Variants in SNCAIP observed in about 807,000 individuals in gnomAD.
SNCAIP encodes the protein synphilin-1.
A neutral mutation model predicts 86.7 loss-of-function variants in SNCAIP; 43 were observed. The ratio of observed to expected loss-of-function variants is 0.50; its 90% CI spans 0.39 to 0.64. SNCAIP has a LOEUF of 0.64. Among genes scored for constraint, SNCAIP ranks in the 30% least tolerant of loss-of-function variants. The probability of loss-of-function intolerance (pLI) is 0.00; values close to 1 mark genes in which losing one functional copy is unlikely to be tolerated. For synonymous variants in SNCAIP, 417 were observed against 427.2 expected (o/e 0.98, Z 0.29); for missense variants, 981 against 1,103.1 (o/e 0.89, Z 1.57).
intron 3 of SNCAIP, among the ~76,000 whole-genome samples, chr5:122,418,432 T>C (rs900504101): frequency 2.0e-5 from 3 of 152,226 alleles, no homozygotes; most frequent in African/African-American, 4.8e-5. Context: ...TTCAAACATA[T>C]TTGTTTTTAA....
chr5:122,380,578 G>C (rs1007452307), intron 1 of SNCAIP, among the ~76,000 whole-genome samples: 4 of 149,410 alleles, frequency 2.7e-5, no homozygotes, highest in African/African-American at 1.0e-4. Flanking sequence ...CTTGCCTTCT[G>C]CTAGCTTTTG....
rs1015414345 is a variant in SNCAIP at position 122,413,412 on chromosome 5, G to A, written c.131-9456G>A. Among the ~76,000 whole-genome samples the A allele has an allele frequency of 3.3e-5, 5 of 152,038 alleles. No homozygotes were observed. The South Asian group carries it at 1.0e-3, about 32-fold the overall frequency. On this transcript the variant is annotated intron_variant, in intron 3 of 10. Coordinates refer to ENST00000261368, the MANE Select transcript of SNCAIP (RefSeq NM_005460.4). ...TATCTCCCAGTTTCTCACGTAATTG[G>A]CTTCTTCTCATCCTCCAGATCTTAG...
chr5:122,426,472 CA>C (rs2152932037), intron 5 of SNCAIP, among the ~76,000 whole-genome samples: 1 of 152,202 alleles, frequency 6.6e-6, no homozygotes, highest in East Asian at 1.9e-4. Flanking sequence ...ATTTTTTACG[CA>C]AACCTGATTT....
intron 1 of SNCAIP, among the ~76,000 whole-genome samples, chr5:122,337,911 G>A (rs975723761): frequency 6.6e-6 from 1 of 152,102 alleles, no homozygotes; most frequent in African/African-American, 2.4e-5. Flanking sequence ...ATTTTAATAG[G>A]GTACTGCTTG....
At chr5:122,382,623 G>T (rs1379073881) in intron 1 of SNCAIP, among the ~76,000 whole-genome samples, 3 of 152,036 alleles carry the variant, frequency 2.0e-5, no homozygotes, top group East Asian at 1.9e-4. Context: ...GGCGCTCTGC[G>T]TTTTAGAGTT....
intron 6 of SNCAIP, among the ~76,000 whole-genome samples, chr5:122,434,609 G>T (rs1170524048): frequency 6.6e-6 from 1 of 152,066 alleles, no homozygotes; most frequent in African/African-American, 2.4e-5. Context: ...CATTTTTTAT[G>T]ACCTAAAATA....
intron 6 of SNCAIP, among the ~76,000 whole-genome samples, chr5:122,433,266 C>CA (rs1393874011): frequency 1.5e-4 from 23 of 152,054 alleles, no homozygotes; most frequent in African/African-American, 5.3e-4. Context: ...ATTTATTCCT[C>CA]AAAACAACCC....
intron 7 of SNCAIP, chr5:122,443,420 A>G (rs369761789): frequency 2.0e-5 from 6 of 294,040 alleles, no homozygotes; most frequent in Admixed American, 7.9e-5. Context: ...AATTTCAACC[A>G]TGTTCCATCA....
At chr5:122,404,750 A>G (rs551433446) in intron 3 of SNCAIP, among the ~76,000 whole-genome samples, 2 of 152,302 alleles carry the variant, frequency 1.3e-5, no homozygotes, top group African/African-American at 4.8e-5. Flanking sequence ...TACAGCTACT[A>G]GAATTCTAGG....
In SNCAIP at chr5:122,423,386, C is replaced by A; in HGVS notation, c.649C>A (p.His217Asn). ...FCVLSPVKSP[H>N]LRKASAVIHD... ...TGTTCTTTCTCCCGTGAAAAGCCCT[C>A]ACTTGAGAAAAGCATCAGCTGTCAT... Residue 217 changes from histidine (H) to asparagine (N), a missense_variant, in exon 4 of 11, where the codon CAC becomes AAC. Coordinates refer to ENST00000261368, the MANE Select transcript of SNCAIP (RefSeq NM_005460.4). The A allele has an allele frequency of 1.2e-6, 2 of 1,613,592 alleles. No homozygotes were observed. Among genetic ancestry groups the A allele is most frequent in the Non-Finnish European group, 1.7e-6 (2 of 1,179,660 alleles).
chr5:122,415,453 T>A (rs1048624330), intron 3 of SNCAIP, among the ~76,000 whole-genome samples: 1 of 152,376 alleles, frequency 6.6e-6, no homozygotes, highest in Admixed American at 6.5e-5. Context: ...AACACTCTTA[T>A]ACCCTAAAGA....
intron 1 of SNCAIP, among the ~76,000 whole-genome samples, chr5:122,329,036 C>G (rs1334819589): frequency 6.6e-6 from 1 of 152,134 alleles, no homozygotes. Flanking sequence ...ATTATTTACT[C>G]TTCTCTGTCT....
intron 1 of SNCAIP, chr5:122,389,035 A>C (rs1191269927): frequency 6.6e-6 from 1 of 152,202 alleles, no homozygotes; most frequent in East Asian, 1.9e-4. Flanking sequence ...TGCAAGTGCA[A>C]ATTGAAAGAT....
intron 2 of SNCAIP, among the ~76,000 whole-genome samples, chr5:122,402,709 C>T (rs553784869): frequency 3.3e-5 from 5 of 152,250 alleles, no homozygotes; most frequent in African/African-American, 1.2e-4. Context: ...TAAATGTGTC[C>T]TAATTACACA....
At chr5:122,381,876 C>G (rs988688567) in intron 1 of SNCAIP, among the ~76,000 whole-genome samples, 1 of 152,128 alleles carries the variant, frequency 6.6e-6, no homozygotes, top group African/African-American at 2.4e-5. Flanking sequence ...GGCCCCCACT[C>G]TCTTCTGGCT....
At chr5:122,373,302 G>C (rs1342141432) in intron 1 of SNCAIP, among the ~76,000 whole-genome samples, 3 of 152,084 alleles carry the variant, frequency 2.0e-5, no homozygotes, top group Non-Finnish European at 4.4e-5. Flanking sequence ...TTGGGAAGCA[G>C]TTCTGTTTTC....
intron 10 of SNCAIP, among the ~76,000 whole-genome samples, chr5:122,452,018 AG>A (rs1783799619): frequency 6.6e-6 from 1 of 152,230 alleles, no homozygotes; most frequent in South Asian, 2.1e-4. Flanking sequence ...GTTTATTCTC[AG>A]GCCCAATTAA....
intron 1 of SNCAIP, among the ~76,000 whole-genome samples, chr5:122,371,121 C>T (rs1385396543): frequency 6.6e-6 from 1 of 151,750 alleles, no homozygotes; most frequent in East Asian, 1.9e-4. Context: ...TGAGACCAGC[C>T]GGGGCAACAT....
At chr5:122,442,202 T>G (rs1781168677) in intron 7 of SNCAIP, among the ~76,000 whole-genome samples, 1 of 149,480 alleles carries the variant, frequency 6.7e-6, no homozygotes, top group Non-Finnish European at 1.5e-5. Context: ...AGGTACTTAC[T>G]GAGGCCCTCC....
Sources: gnomAD v4.1 joint callset for allele counts (sites outside exome capture counted in the v4.1 genomes callset) on GRCh38, gnomAD v4.1.1 for gene constraint, MANE v1.5 for transcripts, NCBI Gene and HGNC (gene_info 2026-07-23, HGNC 2026-07-21) for gene names.